Variants in RBM4 observed in about 807,000 individuals in gnomAD.
RBM4 encodes the protein RNA binding motif protein 4, also known as RNA-binding protein 4.
In RBM4, 7 loss-of-function variants were observed where a neutral mutation model predicts 29.5. The ratio of observed to expected loss-of-function variants is 0.24; its 90% confidence interval spans 0.14 to 0.45. The LOEUF (loss-of-function observed/expected upper bound fraction) is 0.45, where lower values mean the gene tolerates loss of function less well. RBM4 is among the 20% of genes least tolerant of loss of function. The probability of loss-of-function intolerance (pLI) is 1.00; values close to 1 mark genes in which losing one functional copy is unlikely to be tolerated. For synonymous variants in RBM4, 220 were observed against 205.4 expected, an observed-to-expected ratio of 1.07 and a Z score of -0.61; for missense variants, 387 against 502.3, an observed-to-expected ratio of 0.77 and a Z score of 2.19.
intron 1 of RBM4, chr11:66,639,361 T>G (rs952673773): frequency 4.0e-6 from 1 of 251,852 alleles, no homozygotes; most frequent in African/African-American, 2.2e-5. Flanking sequence ...AGACTTTTGT[T>G]TTCTGTTGTC....
chr11:66,643,904 AGCAGCAGCCGCTGCT>A lies in RBM4; in HGVS notation c.870_884del (p.Ala291_Ala295del). 2 of 1,608,862 alleles carry A rather than the reference AGCAGCAGCCGCTGCT, an allele frequency of 1.2e-6. No homozygotes were observed. Among genetic ancestry groups the A allele is most frequent in the Non-Finnish European group, 8.5e-7 (1 of 1,178,472 alleles). ...GAGCTGCTGCCACAGCTGCTGCTGC[AGCAGCAGCCGCTGCT>A]GCTGTTACTGCAGCTTCCACTTCAT... On this transcript the variant is annotated inframe_deletion, in exon 3 of 4. Transcript: ENST00000310092. This position sits in a 1 kb window ranked among gnomAD's most constrained non-coding sequence, Gnocchi z 6.1.
chr11:66,643,963 GC>G lies in RBM4; in HGVS notation c.931del (p.Leu311CysfsTer57). ...ACTTCATATTACGGGCGGGATCGGA[GC>G]CCCCTGCGTCGCGCTACAGCCCCAG... ...ASTSYYGRDR[S>X]PLRRATAPVP... is the part of the protein sequence containing the mutation. On this transcript the variant is annotated frameshift_variant, in exon 3 of 4. Transcript: ENST00000310092. LOFTEE classifies it high-confidence loss of function. The surrounding 1 kb of genome is among the most constrained non-coding windows in gnomAD (Gnocchi z 6.1). 1 of 1,613,024 alleles carries G rather than the reference GC, an allele frequency of 6.2e-7. No individual in the cohort carries two copies.
In RBM4 at chr11:66,644,159, TCCCTCTTCTGGTTTTGC is replaced by T; in HGVS notation, c.*8+21_*8+37del. 6.3e-7 allele frequency: 1 copy of T among 1,590,472 alleles called. No individual in the cohort carries two copies. Among genetic ancestry groups the T allele is most frequent in the South Asian group, 1.1e-5 (1 of 87,282 alleles). ...GCTTGAGGTGAGAGGGGTGGGGTGT[TCCCTCTTCTGGTTTTGC>T]CATCCCTCCTGCAGCCTAAAGGGCT... is the stretch of plus-strand genomic sequence containing the variant. On this transcript the variant is annotated intron_variant, in intron 3 of 3. Transcript: ENST00000310092.
intron 2 of RBM4, among the ~76,000 whole-genome samples, chr11:66,657,151 G>A (rs1212790399): frequency 9.1e-6 from 1 of 109,848 alleles, no homozygotes; most frequent in Admixed American, 1.3e-4. Context: ...GTCTTGCTCT[G>A]TTGCCTAGGC....
chr11:66,653,039 T>C (rs910707487), intron 2 of RBM4, among the ~76,000 whole-genome samples: 16 of 152,170 alleles, frequency 1.1e-4, no homozygotes, highest in Non-Finnish European at 2.1e-4. Context: ...GGTGGTTCCA[T>C]TGAGGGTTGT....
Position 66,643,967 on chromosome 11 carries a change from C to A in RBM4, c.930C>A (p.Pro310=). ...STSYYGRDRS[P]LRRATAPVPT... ...CATATTACGGGCGGGATCGGAGCCCCCTGCGTCGCGCTACAGCCCCAGTCC... is the reference window on the plus strand; with the variant it reads ...CATATTACGGGCGGGATCGGAGCCCACTGCGTCGCGCTACAGCCCCAGTCC... The change falls in exon 3 of 4, where the codon CCC becomes CCA. Residue 310 remains proline, a synonymous_variant. Coordinates refer to ENST00000310092, the MANE Select transcript of RBM4 (RefSeq NM_002896.4). This position sits in a 1 kb window ranked among gnomAD's most constrained non-coding sequence, Gnocchi z 6.1. 1 of 1,613,114 alleles carries A rather than the reference C, an allele frequency of 6.2e-7. No individual in the cohort carries two copies. The highest frequency in any genetic ancestry group is 8.5e-7 in the Non-Finnish European group (1 of 1,180,018).
intron 2 of RBM4, among the ~76,000 whole-genome samples, chr11:66,657,682 CAAAA>C (rs763265823): frequency 3.6e-5 from 1 of 28,056 alleles, no homozygotes; most frequent in Non-Finnish European, 7.6e-5. Flanking sequence ...GATTCCATCT[CAAAA>C]AAAAAAAAAA....
At chr11:66,645,879 T>TA in intron 3 of RBM4, 148 bp from the exon 4 acceptor site, 2 of 1,401,826 alleles carry the variant, frequency 1.4e-6, no homozygotes, top group Non-Finnish European at 1.9e-6. Context: ...TTTTCATTGT[T>TA]AGAGATTACT....
At chr11:66,653,768 T>C (rs1203289196) in intron 2 of RBM4, among the ~76,000 whole-genome samples, 3 of 152,170 alleles carry the variant, frequency 2.0e-5, no homozygotes, top group African/African-American at 7.2e-5. Flanking sequence ...CTACTAAGTT[T>C]TGGGAAGTCA....
intron 3 of RBM4, chr11:66,644,356 G>A (rs1938597733): frequency 1.6e-6 from 1 of 628,360 alleles, no homozygotes; most frequent in Non-Finnish European, 2.6e-6. Flanking sequence ...TTCTGGTAGT[G>A]GGAGTCAATT....
chr11:66,656,402 A>C (rs1172517222), intron 2 of RBM4, among the ~76,000 whole-genome samples: 1 of 151,890 alleles, frequency 6.6e-6, no homozygotes, highest in Non-Finnish European at 1.5e-5. Flanking sequence ...GGCCTCCCAA[A>C]GTGCTGGGAT....
intron 3 of RBM4, among the ~76,000 whole-genome samples, chr11:66,644,975 C>T (rs1938629802): frequency 6.6e-6 from 1 of 151,190 alleles, no homozygotes; most frequent in Non-Finnish European, 1.5e-5. Context: ...GTTTTGACAT[C>T]ATCTACTTTC....
At chr11:66,656,187 A>C (rs1938945956) in intron 2 of RBM4, among the ~76,000 whole-genome samples, 1 of 151,684 alleles carries the variant, frequency 6.6e-6, no homozygotes, top group Admixed American at 6.6e-5. Context: ...CCCAGGCTGG[A>C]GTGCAGTGGC....
chr11:66,663,702 A>ATGTGTGTGTGTGTGTG (rs66797662), intron 2 of RBM4, among the ~76,000 whole-genome samples: 2 of 148,410 alleles, frequency 1.3e-5, no homozygotes, highest in African/African-American at 2.5e-5. Flanking sequence ...GTGTGTGTAT[A>ATGTGTGTGTGTGTGTG]TGTGTGTGTG....
Position 66,643,971 on chromosome 11 carries a change from C to A in RBM4, c.934C>A (p.Arg312Ser). The change falls in exon 3 of 4, where the codon CGT becomes AGT. Residue 312 changes from arginine (R) to serine (S), a missense_variant. Arg to Ser is a moderately radical substitution (Grantham distance 110). Coordinates refer to ENST00000310092, the MANE Select transcript of RBM4 (RefSeq NM_002896.4). The surrounding 1 kb of genome is among the most constrained non-coding windows in gnomAD (Gnocchi z 6.1). Reference protein sequence around the residue: ...SYYGRDRSPLRRATAPVPTVG... With the variant: ...SYYGRDRSPLSRATAPVPTVG... The stretch of plus-strand genomic sequence containing the variant: ...TTACGGGCGGGATCGGAGCCCCCTG[C>A]GTCGCGCTACAGCCCCAGTCCCCAC... The A allele has an allele frequency of 6.2e-7, 1 of 1,612,970 alleles. No individual in the cohort carries two copies. Among genetic ancestry groups the A allele is most frequent in the Non-Finnish European group, 8.5e-7 (1 of 1,180,024 alleles).
At chr11:66,639,485 C>G (rs1280769305) in intron 1 of RBM4, 7 of 626,460 alleles carry the variant, frequency 1.1e-5, no homozygotes, top group Admixed American at 6.1e-5. Context: ...TAAGGACCTC[C>G]CTATTGCAGA....
In RBM4 at chr11:66,643,501, G is replaced by A; in HGVS notation, c.464G>A (p.Gly155Glu). 6.2e-7 allele frequency: 1 copy of A among 1,613,978 alleles called. No homozygotes were observed. The highest frequency in any genetic ancestry group is 8.5e-7 in the Non-Finnish European group (1 of 1,179,944). ...LSTSRLRTAP[G>E]MGDQSGCYRC... ...ACCAGCCGGCTTAGGACTGCGCCCG[G>A]GATGGGAGACCAGAGCGGCTGCTAT... Residue 155 changes from glycine (G) to glutamate (E), a missense_variant, in exon 3 of 4, where the codon GGG becomes GAG. Transcript: ENST00000310092. The surrounding 1 kb of genome is among the most constrained non-coding windows in gnomAD (Gnocchi z 6.1).
At chr11:66,652,797 TC>T (rs1938860420) in intron 2 of RBM4, among the ~76,000 whole-genome samples, 1 of 152,042 alleles carries the variant, frequency 6.6e-6, no homozygotes, top group South Asian at 2.1e-4. Flanking sequence ...GCACAGGAGT[TC>T]CAAGGCCAGC....
intron 2 of RBM4, among the ~76,000 whole-genome samples, chr11:66,659,087 A>C (rs1939022063): frequency 6.6e-6 from 1 of 151,262 alleles, no homozygotes; most frequent in Non-Finnish European, 1.5e-5. Flanking sequence ...AAATTAATAC[A>C]ATTTAATTTC....
Sources: allele counts gnomAD v4.1 joint callset (sites outside exome capture counted in the v4.1 genomes callset), GRCh38; gene constraint gnomAD v4.1.1; non-coding constraint Gnocchi (gnomAD v3.1); transcripts MANE v1.5; gene names NCBI Gene and HGNC (gene_info 2026-07-23, HGNC 2026-07-21).